The following PITPNM3 variants were observed in gnomAD, a reference collection of about 807,000 sequenced individuals.
PITPNM3 encodes PITPNM family member 3.
PITPNM3 carries 26 observed loss-of-function variants against 102.0 expected under a neutral mutation model. The ratio of observed to expected loss-of-function variants is 0.25; its 90% confidence interval spans 0.19 to 0.35. PITPNM3 has a LOEUF of 0.35. Among genes scored for constraint, PITPNM3 ranks in the 10% least tolerant of loss-of-function variants. The probability of loss-of-function intolerance (pLI) is 1.00; values close to 1 mark genes in which losing one functional copy is unlikely to be tolerated. For missense variants in PITPNM3, 1,083 were observed against 1,346.1 expected (o/e 0.80, Z 3.06); for synonymous variants, 578 against 558.6 (o/e 1.03, Z -0.49).
intron 1 of PITPNM3, among the ~76,000 whole-genome samples, chr17:6,546,786 C>T (rs1910042501): frequency 6.6e-6 from 1 of 152,188 alleles, no homozygotes; most frequent in Non-Finnish European, 1.5e-5. Context: ...AGGTGGATCA[C>T]CTGAAATCAG....
chr17:6,525,708 C>T (rs1597403012), intron 2 of PITPNM3, among the ~76,000 whole-genome samples: 1 of 152,186 alleles, frequency 6.6e-6, no homozygotes, highest in South Asian at 2.1e-4. Flanking sequence ...TAACAAAAAG[C>T]CTGAAACCCC....
At chr17:6,462,329 G>A (rs1294908595) in intron 17 of PITPNM3, among the ~76,000 whole-genome samples, 1 of 152,138 alleles carries the variant, frequency 6.6e-6, no homozygotes, top group Non-Finnish European at 1.5e-5. Flanking sequence ...AGCGCCCTGA[G>A]GTAGAGCCTC....
intron 1 of PITPNM3, among the ~76,000 whole-genome samples, chr17:6,555,897 G>A (rs562900549): frequency 1.7e-3 from 265 of 152,152 alleles, no homozygotes; most frequent in African/African-American, 6.0e-3. Flanking sequence ...CCTCCTTCCC[G>A]AGAAGGAATC....
chr17:6,516,034 G>A (rs1327909150), intron 3 of PITPNM3, among the ~76,000 whole-genome samples: 1 of 152,138 alleles, frequency 6.6e-6, no homozygotes, highest in Non-Finnish European at 1.5e-5. Context: ...TTAGGCAGGT[G>A]TGGTAGTGCA....
chr17:6,494,759 C>G (rs1408971599), intron 4 of PITPNM3, among the ~76,000 whole-genome samples: 2 of 152,176 alleles, frequency 1.3e-5, no homozygotes, highest in Admixed American at 6.5e-5. Context: ...CAATGTCATT[C>G]AACATGCAAA....
chr17:6,486,310 C>A (rs1425708090), intron 4 of PITPNM3, among the ~76,000 whole-genome samples: 1 of 152,138 alleles, frequency 6.6e-6, no homozygotes, highest in Non-Finnish European at 1.5e-5. Context: ...ATGGTCCTTG[C>A]CTTCTTCACA....
intron 4 of PITPNM3, among the ~76,000 whole-genome samples, chr17:6,489,499 C>CA (rs1409164155): frequency 4.0e-5 from 6 of 151,786 alleles, no homozygotes; most frequent in Non-Finnish European, 8.8e-5. Context: ...TTGCCTAAAC[C>CA]GGCCCAGGTC....
chr17:6,491,170 AC>A (rs1419506231), intron 4 of PITPNM3, among the ~76,000 whole-genome samples: 2 of 150,482 alleles, frequency 1.3e-5, no homozygotes, highest in Non-Finnish European at 3.0e-5. Context: ...TACTCTTGGA[AC>A]CAGCTCGCTA....
chr17:6,475,449 C>T (rs982807780), intron 9 of PITPNM3, among the ~76,000 whole-genome samples: 1 of 152,194 alleles, frequency 6.6e-6, no homozygotes, highest in African/African-American at 2.4e-5. Context: ...AACTAAACTA[C>T]TTGAGTCAGA....
chr17:6,507,347 G>A (rs1232282372), intron 3 of PITPNM3, among the ~76,000 whole-genome samples: 1 of 152,224 alleles, frequency 6.6e-6, no homozygotes, highest in Non-Finnish European at 1.5e-5. Context: ...ACTTTGGGAG[G>A]CCAAGGTGGG....
At chr17:6,552,923 C>A (rs937770010) in intron 1 of PITPNM3, among the ~76,000 whole-genome samples, 15 of 152,052 alleles carry the variant, frequency 9.9e-5, no homozygotes, top group African/African-American at 3.1e-4. Context: ...CCCACCATCA[C>A]GCCTGGCTAA....
intron 4 of PITPNM3, 107 bp downstream of exon 4, chr17:6,503,420 T>C: frequency 7.7e-6 from 10 of 1,293,370 alleles, no homozygotes; most frequent in Non-Finnish European, 1.1e-5. Flanking sequence ...ATGGCAGGGA[T>C]CCTGCCATCC....
Position 6,457,207 on chromosome 17 carries a change from A to G in PITPNM3, c.2619+387T>C, listed in dbSNP as rs547917271. On this transcript the variant is annotated intron_variant, in intron 19 of 19. Coordinates refer to ENST00000262483, the MANE Select transcript of PITPNM3 (RefSeq NM_031220.4). This position sits in a 1 kb window ranked among gnomAD's most constrained non-coding sequence, Gnocchi z 4.7. ...TGTCACAAATATTCTTCTCAATCTC[A>G]GGCCCTTCCTGGACCATTCCTTCAA... Among the ~76,000 whole-genome samples, 4 of 152,098 alleles carry G rather than the reference A, an allele frequency of 2.6e-5. No individual in the cohort carries two copies. Among genetic ancestry groups the G allele is most frequent in the African/African-American group, 9.6e-5 (4 of 41,492 alleles).
intron 1 of PITPNM3, among the ~76,000 whole-genome samples, chr17:6,553,051 C>T (rs915027292): frequency 3.3e-5 from 5 of 152,020 alleles, no homozygotes; most frequent in East Asian, 1.9e-4. Context: ...ATTACAGGCA[C>T]GAACCACCGC....
intron 1 of PITPNM3, among the ~76,000 whole-genome samples, chr17:6,542,573 C>CTGAA (rs1393990760): frequency 6.6e-6 from 1 of 152,218 alleles, no homozygotes; most frequent in Non-Finnish European, 1.5e-5. Context: ...AATCTAGGAC[C>CTGAA]TGAAGCAAGT....
At chr17:6,511,204 G>A (rs1907846855) in intron 3 of PITPNM3, among the ~76,000 whole-genome samples, 1 of 152,170 alleles carries the variant, frequency 6.6e-6, no homozygotes, top group African/African-American at 2.4e-5. Flanking sequence ...CAGGTTGGGG[G>A]ATCTATACTT....
chr17:6,463,644 A>G (rs1904608689), intron 17 of PITPNM3, 88 bp downstream of exon 17: 13 of 1,519,726 alleles, frequency 8.6e-6, no homozygotes, highest in South Asian at 3.6e-5. Context: ...GAATTCCTAC[A>G]GCAAATCAGA....
At chr17:6,552,942 T>C (rs1910396486) in intron 1 of PITPNM3, among the ~76,000 whole-genome samples, 1 of 151,966 alleles carries the variant, frequency 6.6e-6, no homozygotes, top group Admixed American at 6.6e-5. Context: ...AATTTTGTTT[T>C]TGTATTTTTA....
chr17:6,538,206 G>A lies in PITPNM3; in HGVS notation c.23-124C>T, dbSNP rs536182805. On this transcript the variant is annotated intron_variant, in intron 1 of 19. Coordinates refer to ENST00000262483, the MANE Select transcript of PITPNM3 (RefSeq NM_031220.4). ...CTGCACATCTGTGCCCTCTCCCTCC[G>A]AGGCCTCAGACCTCACAGAGCCCTC... The A allele has an allele frequency of 3.9e-4, 283 of 733,616 alleles. 3 individuals are homozygous for A. In the South Asian group the frequency reaches 4.0e-3, roughly 10 times the overall value. The allele number at this position is 733,616 out of a possible 1,614,324, so 45.4% of individuals were successfully genotyped here.
Sources: allele counts gnomAD v4.1 joint callset (sites outside exome capture counted in the v4.1 genomes callset), GRCh38; gene constraint gnomAD v4.1.1; non-coding constraint Gnocchi (gnomAD v3.1); transcripts MANE v1.5; gene names NCBI Gene and HGNC (gene_info 2026-07-23, HGNC 2026-07-21).